Variants in DIAPH3 observed in about 807,000 individuals in gnomAD.
The protein encoded by DIAPH3 is diaphanous related formin 3.
In DIAPH3, 117 loss-of-function variants were observed where a neutral mutation model predicts 144.3. That is an observed-to-expected ratio of 0.81 (90% confidence interval 0.70 to 0.95). The LOEUF is 0.95. DIAPH3 is among the 40% of genes least tolerant of loss of function. The pLI is 0.00. For missense variants in DIAPH3, 1,421 were observed against 1,412.7 expected, an observed-to-expected ratio of 1.01 and a Z score of -0.09; for synonymous variants, 519 against 488.9, an observed-to-expected ratio of 1.06 and a Z score of -0.81.
intron 17 of DIAPH3, among the ~76,000 whole-genome samples, chr13:59,962,045 T>C (rs2049794595): frequency 6.6e-6 from 1 of 152,100 alleles, no homozygotes; most frequent in South Asian, 2.1e-4. Context: ...TATTCTAAGT[T>C]GGATGAAATA....
At chr13:59,950,879 CA>C (rs1221753593) in intron 17 of DIAPH3, among the ~76,000 whole-genome samples, 1 of 151,788 alleles carries the variant, frequency 6.6e-6, no homozygotes, top group Non-Finnish European at 1.5e-5. Context: ...TGCTAGAAAA[CA>C]AAAGTTTTGA....
chr13:59,854,611 G>A (rs1443654819), intron 22 of DIAPH3, among the ~76,000 whole-genome samples: 1 of 152,124 alleles, frequency 6.6e-6, no homozygotes, highest in Non-Finnish European at 1.5e-5. Flanking sequence ...ATACTATTCT[G>A]AAATTTTCTT....
At chr13:60,084,365 GT>G in intron 4 of DIAPH3, among the ~76,000 whole-genome samples, 1 of 151,666 alleles carries the variant, frequency 6.6e-6, no homozygotes, top group Admixed American at 6.6e-5. Context: ...TAAAACCCTA[GT>G]TTCTAGTCCT....
Position 60,132,967 on chromosome 13 carries a change from G to A in DIAPH3, c.203C>T (p.Thr68Met), listed in dbSNP as rs369972341. Residue 68 changes from threonine (T) to methionine (M), a missense_variant, in exon 2 of 28, where the codon ACG becomes ATG. Physicochemically the swap from Thr to Met is moderately conservative, Grantham distance 81 (BLOSUM62 -1). Transcript: ENST00000400324. ...TGAGGATAATCTTACCATATCATCC[G>A]TCAGTGTCCTAATATTTAAATGCTG... ...PKFHLNIRTL[T>M]DDMLDKFASI... is the part of the protein sequence containing the mutation. The A allele has an allele frequency of 6.8e-5, 110 of 1,606,270 alleles. No homozygotes were observed. The highest frequency in any genetic ancestry group is 5.0e-4 in the Middle Eastern group (3 of 6,038).
intron 7 of DIAPH3, 106 bp from the exon 8 acceptor site, chr13:60,010,775 C>T: frequency 9.2e-7 from 1 of 1,090,124 alleles, no homozygotes; most frequent in Middle Eastern, 2.6e-4. Context: ...CATTTTTACA[C>T]TTACTAAAGC....
intron 4 of DIAPH3, among the ~76,000 whole-genome samples, chr13:60,057,508 A>G (rs563582513): frequency 1.3e-5 from 2 of 152,022 alleles, no homozygotes; most frequent in African/African-American, 4.8e-5. Context: ...TCCTATCGAG[A>G]TAACAATCCC....
At chr13:60,059,913 G>A (rs2056701227) in intron 4 of DIAPH3, among the ~76,000 whole-genome samples, 2 of 151,996 alleles carry the variant, frequency 1.3e-5, no homozygotes, top group Admixed American at 6.6e-5. Context: ...CCAACAAAAG[G>A]GGAGGAGGGA....
At chr13:59,908,714 A>C (rs1336071777) in intron 20 of DIAPH3, among the ~76,000 whole-genome samples, 1 of 152,192 alleles carries the variant, frequency 6.6e-6, no homozygotes, top group East Asian at 1.9e-4. Context: ...GAATTCACAT[A>C]ACTGGATAAA....
At chr13:59,940,369 T>A (rs944835870) in intron 17 of DIAPH3, among the ~76,000 whole-genome samples, 1 of 152,162 alleles carries the variant, frequency 6.6e-6, no homozygotes, top group African/African-American at 2.4e-5. Flanking sequence ...AAACTATCTT[T>A]AAATGCTTCA....
At chr13:59,796,804 G>A (rs1043891650) in intron 25 of DIAPH3, among the ~76,000 whole-genome samples, 2 of 152,200 alleles carry the variant, frequency 1.3e-5, no homozygotes, top group East Asian at 1.9e-4. Context: ...GTATCTTAAA[G>A]TAGAGATTAT....
At position 59,983,779 on chromosome 13, in the gene DIAPH3, G is replaced by T. The variant is rs777243617; in HGVS notation, c.1470C>A (p.Thr490=). The change falls in exon 13 of 28, where the codon ACC becomes ACA. Residue 490 remains threonine (T), a synonymous_variant. Coordinates refer to ENST00000400324, the MANE Select transcript of DIAPH3 (RefSeq NM_001042517.2). ...TYRKRLDLDL[T]QFVDICIDQA... is the part of the protein sequence containing the mutation. ...ATAATAAATACTCACCTACAAACTG[G>T]GTTAAATCTAAATCTAGTCTTTTTC... is the stretch of plus-strand genomic sequence containing the variant. 1 of 1,593,632 alleles carries T rather than the reference G, an allele frequency of 6.3e-7. No individual in the cohort carries two copies. The highest frequency in any genetic ancestry group is 8.6e-7 in the Non-Finnish European group (1 of 1,163,000).
rs570016233 is a variant in DIAPH3, at chr13:59,783,274, A to G, written c.3164-8451T>C. ...TCCGTGGTTGTGAATATTATAAAGA[A>G]ATAGTTAAGGCTGATTTCCAGGCAT... On this transcript the variant is annotated intron_variant, in intron 25 of 27. Coordinates refer to ENST00000400324, the MANE Select transcript of DIAPH3 (RefSeq NM_001042517.2). Among the ~76,000 whole-genome samples, 3 of 152,320 alleles carry G rather than the reference A, an allele frequency of 2.0e-5. No individual in the cohort carries two copies. The East Asian group carries it at 5.8e-4, about 29-fold the overall frequency.
At chr13:59,733,347 T>C (rs986282153) in intron 27 of DIAPH3, among the ~76,000 whole-genome samples, 2 of 152,182 alleles carry the variant, frequency 1.3e-5, no homozygotes, top group South Asian at 2.1e-4. Flanking sequence ...CAGAACTTAA[T>C]TTCCGTAAAA....
chr13:59,853,216 A>G (rs1053306308), intron 22 of DIAPH3, among the ~76,000 whole-genome samples: 18 of 152,188 alleles, frequency 1.2e-4, no homozygotes, highest in Non-Finnish European at 2.5e-4. Flanking sequence ...TAATGTTTCT[A>G]TAATCTAATT....
chr13:59,887,760 T>C (rs2045544826), intron 20 of DIAPH3, among the ~76,000 whole-genome samples: 1 of 151,958 alleles, frequency 6.6e-6, no homozygotes, highest in Non-Finnish European at 1.5e-5. Flanking sequence ...ATTTACTGAT[T>C]TTTTTTGTAC....
At chr13:59,942,843 C>T (rs2048602911) in intron 17 of DIAPH3, among the ~76,000 whole-genome samples, 5 of 152,150 alleles carry the variant, frequency 3.3e-5, no homozygotes, top group Admixed American at 3.3e-4. Context: ...GTGTAATTTT[C>T]CATGTTCATA....
intron 27 of DIAPH3, among the ~76,000 whole-genome samples, chr13:59,770,993 C>T (rs1374718288): frequency 6.6e-6 from 1 of 152,120 alleles, no homozygotes; most frequent in Non-Finnish European, 1.5e-5. Flanking sequence ...GAGGTTTGGA[C>T]CACAGCACAA....
At chr13:59,964,891 T>C (rs898436860) in intron 17 of DIAPH3, among the ~76,000 whole-genome samples, 3 of 152,190 alleles carry the variant, frequency 2.0e-5, no homozygotes, top group Admixed American at 1.3e-4. Flanking sequence ...AATATTCTGT[T>C]CTTTTCAGGA....
At chr13:59,784,650 T>TA (rs2038934257) in intron 25 of DIAPH3, among the ~76,000 whole-genome samples, 1 of 152,192 alleles carries the variant, frequency 6.6e-6, no homozygotes, top group South Asian at 2.1e-4. Context: ...GTGTTGGGAT[T>TA]ACAGGTGTGA....
Sources: gnomAD v4.1 joint callset for allele counts (sites outside exome capture counted in the v4.1 genomes callset) on GRCh38, gnomAD v4.1.1 for gene constraint, MANE v1.5 for transcripts, NCBI Gene and HGNC (gene_info 2026-07-23, HGNC 2026-07-21) for gene names.